The following EVC variants were observed in gnomAD, a reference collection of about 807,000 sequenced individuals.
The protein encoded by EVC is evC complex member EVC.
A neutral mutation model predicts 118.9 loss-of-function variants in EVC; 116 were observed. The observed-to-expected ratio is 0.98, with a 90% CI of 0.84 to 1.14. EVC has a LOEUF of 1.14. Ranked by LOEUF, EVC falls within the 50% of genes most tolerant of loss-of-function variation. The pLI is 0.00. For missense variants in EVC, 1,401 were observed against 1,246.4 expected, an observed-to-expected ratio of 1.12 and a Z score of -1.87; for synonymous variants, 619 against 534.7, an observed-to-expected ratio of 1.16 and a Z score of -2.18.
intron 11 of EVC, among the ~76,000 whole-genome samples, chr4:5,771,989 C>T (rs1734053054): frequency 6.6e-6 from 1 of 151,962 alleles, no homozygotes; most frequent in African/African-American, 2.4e-5. Flanking sequence ...GCTCCATCTC[C>T]CAGGTTCACG....
intron 2 of EVC, among the ~76,000 whole-genome samples, chr4:5,723,131 C>T (rs938776832): frequency 6.6e-6 from 1 of 152,050 alleles, no homozygotes; most frequent in Non-Finnish European, 1.5e-5. Flanking sequence ...CCCGGCTCCT[C>T]CATCCCCAGG....
At chr4:5,817,816 C>G (rs927846955), downstream of EVC, among the ~76,000 whole-genome samples, 3 of 152,188 alleles carry the variant, frequency 2.0e-5, no homozygotes, top group Non-Finnish European at 2.9e-5. Context: ...TGTCTATGAT[C>G]AAGGTGGCCA....
chr4:5,783,627 A>C lies in EVC; in HGVS notation c.1639A>C (p.Thr547Pro). The C allele has an allele frequency of 6.2e-7, 1 of 1,614,166 alleles. No individual in the cohort carries two copies. The highest frequency in any genetic ancestry group is 8.5e-7 in the Non-Finnish European group (1 of 1,180,020). Residue 547 changes from threonine to proline, a missense_variant, in exon 12 of 21, where the codon ACT (threonine) becomes CCT (proline). Transcript: ENST00000264956. ...GTTCCTTCAGACGCTCCCTGGCATG[A>C]CTGGCCTCCCCCCGGAAGAGTGTGA... ...ALFLQTLPGMTGLPPEECDYL... is the reference protein window; with the variant it reads ...ALFLQTLPGMPGLPPEECDYL...
rs145813273 is a variant in EVC, at chr4:5,755,773, C to G, written c.1465-491C>G. ...GCTCTGTTTAGGGCTGGCTGGGTCT[C>G]CCCCTGCTGATGCCCGGGTTAGCCC... On this transcript the variant is annotated intron_variant, in intron 10 of 20. Coordinates refer to ENST00000264956, the MANE Select transcript of EVC (RefSeq NM_153717.3). This position sits in a 1 kb window ranked among gnomAD's most constrained non-coding sequence, Gnocchi z 4.1. Among the ~76,000 whole-genome samples the G allele has an allele frequency of 0.014, 2,099 of 152,300 alleles. 22 individuals carry two copies. The highest frequency in any genetic ancestry group is 0.02 in the Non-Finnish European group (1,389 of 68,026).
the EVC span, chr4:5,821,943 C>A: frequency 8.8e-7 from 1 of 1,141,524 alleles, no homozygotes; most frequent in Non-Finnish European, 1.2e-6. This position sits in a 1 kb window ranked among gnomAD's most constrained non-coding sequence, Gnocchi z 4.4. Flanking sequence ...ATGCACTCCA[C>A]TGGACCCACC....
intron 12 of EVC, among the ~76,000 whole-genome samples, chr4:5,792,990 C>G (rs1713075388): frequency 6.6e-6 from 1 of 152,120 alleles, no homozygotes; most frequent in Admixed American, 6.5e-5. Context: ...TAAAATCAAC[C>G]CAATTATGAG....
rs759398050 is a variant in EVC at position 5,798,669 on chromosome 4, C to T, written c.2181C>T (p.Ala727=). 2.1e-5 allele frequency: 33 copies of T among 1,597,462 alleles called. No individual in the cohort carries two copies. The highest frequency in any genetic ancestry group is 3.5e-5 in the Admixed American group (2 of 57,642). The change falls in exon 15 of 21, where the codon GCC becomes GCT. Residue 727 remains alanine, a synonymous_variant. Coordinates refer to ENST00000264956, the MANE Select transcript of EVC (RefSeq NM_153717.3). This position sits in a 1 kb window ranked among gnomAD's most constrained non-coding sequence, Gnocchi z 4.1. The part of the protein sequence containing the change: ...TRLQLQQRLL[A]EAQEVGQLLQ... ...TGCAGCTCCAGCAGCGGCTCCTGGCCGAGGCCCAGGAGGTGGGGCAGCTTC... is the reference window on the plus strand; with the variant it reads ...TGCAGCTCCAGCAGCGGCTCCTGGCTGAGGCCCAGGAGGTGGGGCAGCTTC...
chr4:5,750,018 T>C (rs777866212), intron 8 of EVC, among the ~76,000 whole-genome samples: 8 of 152,164 alleles, frequency 5.3e-5, no homozygotes, highest in Non-Finnish European at 8.8e-5. Context: ...TTTGAGAACT[T>C]CATGTGCTTT....
At chr4:5,734,601 G>C (rs1727372696) in intron 5 of EVC, among the ~76,000 whole-genome samples, 1 of 152,154 alleles carries the variant, frequency 6.6e-6, no homozygotes, top group African/African-American at 2.4e-5. Context: ...AGGCTGCAGT[G>C]AACTGTGATC....
the EVC span, chr4:5,824,206 G>C: frequency 2.6e-6 from 2 of 761,866 alleles, no homozygotes; most frequent in Non-Finnish European, 3.2e-6. Context: ...CAAACTCCTT[G>C]AGAGCTTGTG....
intron 5 of EVC, among the ~76,000 whole-genome samples, chr4:5,733,895 G>C (rs1035265030): frequency 6.6e-6 from 1 of 152,132 alleles, no homozygotes; most frequent in Non-Finnish European, 1.5e-5. Context: ...CTGCAGGTGA[G>C]AAAACTGAGG....
chr4:5,814,364 C>A (rs1717357322), downstream of EVC: 1 of 152,116 alleles, frequency 6.6e-6, no homozygotes, highest in Admixed American at 6.5e-5. Flanking sequence ...TTTTGTACTC[C>A]CCCAGGGTGA....
intron 17 of EVC, among the ~76,000 whole-genome samples, chr4:5,806,651 A>C (rs1050380875): frequency 6.6e-5 from 10 of 152,178 alleles, no homozygotes; most frequent in Admixed American, 5.9e-4. Context: ...CAATGAACAC[A>C]CGAGAGCAGG....
intron 17 of EVC, among the ~76,000 whole-genome samples, chr4:5,806,523 T>G (rs891614275): frequency 5.3e-5 from 8 of 152,208 alleles, no homozygotes; most frequent in Admixed American, 3.3e-4. Context: ...AGACATGATT[T>G]CATTCTTTTT....
Position 5,719,984 on chromosome 4 carries a change from C to T in EVC, c.300+611C>T, listed in dbSNP as rs1724665423. The stretch of plus-strand genomic sequence containing the variant: ...TGTTTATTTTCATTTCATTTTACTT[C>T]CTTTAATTAAATCTCTGGGGGTGGG... On this transcript the variant is annotated intron_variant, in intron 2 of 20. Coordinates refer to ENST00000264956, the MANE Select transcript of EVC (RefSeq NM_153717.3). The surrounding 1 kb of genome is among the most constrained non-coding windows in gnomAD (Gnocchi z 4.7). Among the ~76,000 whole-genome samples, 1 of 152,108 alleles carries T rather than the reference C, an allele frequency of 6.6e-6. No homozygotes were observed. Among genetic ancestry groups the T allele is most frequent in the Admixed American group, 6.5e-5 (1 of 15,276 alleles).
At chr4:5,751,086 C>T (rs1006709228) in intron 8 of EVC, among the ~76,000 whole-genome samples, 16 of 152,346 alleles carry the variant, frequency 1.1e-4, no homozygotes, top group Admixed American at 2.0e-4. Flanking sequence ...ATGGGACTGG[C>T]TGTAGATAAT....
At chr4:5,781,421 A>G (rs542724767) in intron 11 of EVC, among the ~76,000 whole-genome samples, 4 of 152,254 alleles carry the variant, frequency 2.6e-5, no homozygotes, top group Admixed American at 6.5e-5. Flanking sequence ...GGGGTCAGAA[A>G]TGCCCATGTT....
intron 1 of EVC, among the ~76,000 whole-genome samples, chr4:5,714,296 T>C (rs917763917): frequency 4.6e-4 from 70 of 152,258 alleles, no homozygotes; most frequent in African/African-American, 1.4e-3. Context: ...ATTTTGTTAT[T>C]TTAACTTATT....
chr4:5,769,105 G>A (rs1408485713), intron 11 of EVC, among the ~76,000 whole-genome samples: 1 of 152,130 alleles, frequency 6.6e-6, no homozygotes, highest in Non-Finnish European at 1.5e-5. Context: ...ATATACCCGA[G>A]ACTGAGTAAT....
Sources: gnomAD v4.1 joint callset for allele counts (sites outside exome capture counted in the v4.1 genomes callset) on GRCh38, gnomAD v4.1.1 for gene constraint, Gnocchi (gnomAD v3.1) non-coding constraint, MANE v1.5 for transcripts, NCBI Gene and HGNC (gene_info 2026-07-23, HGNC 2026-07-21) for gene names.